The following ARMCX4 variants were observed in gnomAD, a reference collection of about 807,000 sequenced individuals.
ARMCX4 encodes the protein armadillo repeat-containing X-linked protein 4.
A neutral mutation model predicts 34.7 loss-of-function variants in ARMCX4; 3 were observed. The observed-to-expected ratio is 0.09, with a 90% CI of 0.04 to 0.22. The LOEUF is 0.22. ARMCX4 is among the 10% of genes least tolerant of loss of function. The pLI is 1.00. For synonymous variants in ARMCX4, 513 were observed against 632.8 expected, an observed-to-expected ratio of 0.81 and a Z score of 2.84; for missense variants, 1,448 against 1,720.8, an observed-to-expected ratio of 0.84 and a Z score of 2.81.
intron 4 of ARMCX4, among the ~76,000 whole-genome samples, chrX:101,467,202 T>C (rs782275438): frequency 1.1e-4 from 12 of 112,177 alleles, no homozygotes; most frequent in African/African-American, 3.2e-4. Context: ...CAGGCTGGAG[T>C]GCTATGGTGT....
chrX:101,515,453 TCCTTCCTTCCTTCCTCCCTC>T (rs1298918083), intron 11 of ARMCX4, among the ~76,000 whole-genome samples: 3 of 50,409 alleles, frequency 6.0e-5, no homozygotes, highest in African/African-American at 2.4e-4. Context: ...CTTCCTTCCT[TCCTTCCTTCCTTCCTCCCTC>T]CCTCCCTCCC....
intron 11 of ARMCX4, among the ~76,000 whole-genome samples, chrX:101,529,570 T>C (rs782819143): frequency 1.8e-5 from 2 of 111,835 alleles, no homozygotes; most frequent in South Asian, 7.4e-4. Context: ...GAGAAAATTT[T>C]TGCAATCTAC....
At chrX:101,445,671 G>T (rs1231313778) in intron 3 of ARMCX4, among the ~76,000 whole-genome samples, 5 of 111,920 alleles carry the variant, frequency 4.5e-5, no homozygotes, top group Non-Finnish European at 7.5e-5. Context: ...TACATAAATG[G>T]TGTTTATTAT....
chrX:101,471,289 A>G (rs1556002925), intron 4 of ARMCX4, among the ~76,000 whole-genome samples: 1 of 112,285 alleles, frequency 8.9e-6, no homozygotes, highest in African/African-American at 3.2e-5. Flanking sequence ...AACAAAACAT[A>G]AATTTTGATA....
At chrX:101,431,460 TCC>T (rs1929991023) in intron 2 of ARMCX4, among the ~76,000 whole-genome samples, 3 of 112,510 alleles carry the variant, frequency 2.7e-5, no homozygotes, top group African/African-American at 9.7e-5. Flanking sequence ...TACACTTCCT[TCC>T]CAGAAGTTTA....
intron 4 of ARMCX4, among the ~76,000 whole-genome samples, chrX:101,466,777 CT>C (rs1400885535): frequency 8.9e-6 from 1 of 111,858 alleles, no homozygotes; most frequent in Non-Finnish European, 1.9e-5. Flanking sequence ...TATTCTGTAT[CT>C]TGATCGTGGT....
intron 11 of ARMCX4, among the ~76,000 whole-genome samples, chrX:101,528,984 T>C (rs932398015): frequency 9.0e-6 from 1 of 111,596 alleles, no homozygotes; most frequent in South Asian, 3.7e-4. Flanking sequence ...AAAAAAATAC[T>C]TTAAAGTTAA....
chrX:101,525,445 G>T (rs782189863), intron 11 of ARMCX4, among the ~76,000 whole-genome samples: 1 of 111,873 alleles, frequency 8.9e-6, no homozygotes, highest in Non-Finnish European at 1.9e-5. Context: ...ACTAGCAATG[G>T]AATGAAGCGG....
chrX:101,490,914 G>A lies in ARMCX4; in HGVS notation c.2325G>A (p.Val775=), dbSNP rs1933949326. The A allele has an allele frequency of 8.7e-7, 1 of 1,154,851 alleles. No individual in the cohort carries two copies. Among genetic ancestry groups the A allele is most frequent in the South Asian group, 1.9e-5 (1 of 52,665 alleles). The stretch of plus-strand genomic sequence containing the variant: ...AGGTCAAGGCCAATCTTAATGCTGT[G>A]TCTAAGGCAGAAGCTGGGATGGGTG... ...KNKVKANLNA[V]SKAEAGMGAT... is the part of the protein sequence containing the mutation. Residue 775 remains valine, a synonymous_variant, in exon 6 of 6, where the codon GTG becomes GTA. Coordinates refer to ENST00000423738, the MANE Select transcript of ARMCX4 (RefSeq NM_001256155.3).
At chrX:101,505,142 A>G (rs1379010504) in exon 8 of ARMCX4, 1 of 111,141 alleles carries the variant, frequency 9.0e-6, no homozygotes, top group Non-Finnish European at 1.9e-5. Context: ...GAGGGTATGA[A>G]TGCAGTCTCT....
intron 11 of ARMCX4, among the ~76,000 whole-genome samples, chrX:101,525,737 G>A (rs1232535061): frequency 1.3e-4 from 14 of 111,155 alleles, no homozygotes; most frequent in African/African-American, 4.3e-4. Flanking sequence ...CCAAGTGGAA[G>A]AAAGGGTATC....
intron 2 of ARMCX4, among the ~76,000 whole-genome samples, chrX:101,434,540 C>G (rs1930561155): frequency 9.0e-6 from 1 of 111,358 alleles, no homozygotes; most frequent in Non-Finnish European, 1.9e-5. Flanking sequence ...GCCACTGCGC[C>G]CGGCCATGGT....
In ARMCX4 at chrX:101,432,822, A is replaced by C. The variant is rs187484907; in HGVS notation, n.165-11230A>C. Among the ~76,000 whole-genome samples the C allele has an allele frequency of 6.8e-4, 71 of 103,872 alleles. 1 individual carries two copies. Among genetic ancestry groups the C allele is most frequent in the Admixed American group, 3.2e-3 (31 of 9,629 alleles). The allele number at this position is 103,872 out of a possible 115,157, so 90.2% of individuals were successfully genotyped here. On this transcript the variant is annotated intron_variant and non_coding_transcript_variant, in intron 2 of 3. Transcript: ENST00000430461. ...CACATGTATGTATACATATATATGT[A>C]TATACGTGTATATATGTATACATAT...
chrX:101,484,590 G>A (rs782030835), upstream of ARMCX4, among the ~76,000 whole-genome samples: 114 of 112,166 alleles, frequency 1.0e-3, no homozygotes, highest in Non-Finnish European at 1.8e-3. Context: ...AGTTCAGCCA[G>A]AACTTCAAAA....
chrX:101,495,391 C>T lies in ARMCX4; in HGVS notation c.6802C>T (p.Arg2268Ter). The T allele has an allele frequency of 8.7e-7, 1 of 1,146,571 alleles. No homozygotes were observed. 94.5% of individuals were successfully genotyped at this position (1,146,571 alleles called of 1,213,427 possible). ...ACCTAAAGCATGTGCCAAGAAACTT[C>T]GAGCCTTAGCAGCAGAATGCAATGA... ...QRPKACAKKL[R>*]ALAAECNDPE... The change falls in exon 6 of 6, where the codon CGA (arginine) becomes TGA (stop). Residue 2268 changes from arginine to a stop codon, truncating the protein, a stop_gained. Transcript: ENST00000423738. LOFTEE classifies it high-confidence loss of function.
rs191337350 is a variant in ARMCX4 at position 101,429,765 on chromosome X, A to G, written n.164+10765A>G. The stretch of plus-strand genomic sequence containing the variant: ...TTGTGACTTTTGACTCTTGGATGAC[A>G]TCTAGCCCTGCTCCATTAGACATTA... On this transcript the variant is annotated intron_variant and non_coding_transcript_variant, in intron 2 of 3. Transcript: ENST00000430461. Among the ~76,000 whole-genome samples the G allele has an allele frequency of 4.3e-4, 48 of 111,811 alleles. No individual in the cohort carries two copies. The Admixed American group carries it at 4.5e-3, about 10-fold the overall frequency.
chrX:101,480,852 A>G (rs1451757794), upstream of ARMCX4, among the ~76,000 whole-genome samples: 1 of 112,332 alleles, frequency 8.9e-6, no homozygotes, highest in Non-Finnish European at 1.9e-5. Flanking sequence ...CAGGTGCAGT[A>G]GCTCACACCT....
intron 11 of ARMCX4, among the ~76,000 whole-genome samples, chrX:101,515,562 A>C (rs1934727366): frequency 1.4e-5 from 1 of 73,285 alleles, no homozygotes; most frequent in African/African-American, 5.5e-5. Context: ...TTTCTTTGAC[A>C]AAGTCTCACT....
chrX:101,526,406 T>C (rs1194711744), intron 11 of ARMCX4, among the ~76,000 whole-genome samples: 2 of 111,720 alleles, frequency 1.8e-5, no homozygotes, highest in African/African-American at 6.5e-5. Context: ...CCATTGATGC[T>C]AGGAAGGAAC....
Sources: gnomAD v4.1 joint callset for allele counts (sites outside exome capture counted in the v4.1 genomes callset) on GRCh38, gnomAD v4.1.1 for gene constraint, MANE v1.5 for transcripts, NCBI Gene and HGNC (gene_info 2026-07-23, HGNC 2026-07-21) for gene names.